FBLN1: variants seen among roughly 807,000 people sequenced by gnomAD.
The protein encoded by FBLN1 is fibulin-1.
In FBLN1, 34 loss-of-function variants were observed where a neutral mutation model predicts 89.7. The ratio of observed to expected loss-of-function variants is 0.38; its 90% CI spans 0.29 to 0.50. The LOEUF (loss-of-function observed/expected upper bound fraction) is 0.50. Among genes scored for constraint, FBLN1 ranks in the 20% least tolerant of loss-of-function variants. The pLI, the probability that FBLN1 is intolerant of heterozygous loss-of-function variation, is 0.92. For missense variants in FBLN1, 777 were observed against 988.1 expected (o/e 0.79, Z 2.86); for synonymous variants, 393 against 391.3 (o/e 1.00, Z -0.05).
At position 45,528,057 on chromosome 22, in the gene FBLN1, C is replaced by T. The variant is rs144033372; in HGVS notation, c.484+48C>T. 1.5e-4 allele frequency: 236 copies of T among 1,591,508 alleles called. 1 individual carries two copies. In the African/African-American group the frequency reaches 2.5e-3, roughly 17 times the overall value. ...TAATGAGCAGTGTATTAAGGTTCTC[C>T]GGGATGTGTATATAGAGCGAGAGTG... is the stretch of plus-strand genomic sequence containing the variant. On this transcript the variant is annotated intron_variant, in intron 4 of 16. Coordinates refer to ENST00000327858, the MANE Select transcript of FBLN1 (RefSeq NM_006486.3).
chr22:45,576,325 G>A lies in FBLN1; in HGVS notation c.1841-652G>A, dbSNP rs952543742. Reference sequence around the variant, plus strand: ...TGGTTATCGCAGGGAGCCGAGTGCCGTTGGGACACCTGTTAGCATCTTGGG... The same window carrying A: ...TGGTTATCGCAGGGAGCCGAGTGCCATTGGGACACCTGTTAGCATCTTGGG... On this transcript the variant is annotated intron_variant, in intron 15 of 16. Coordinates refer to ENST00000327858, the MANE Select transcript of FBLN1 (RefSeq NM_006486.3). This position sits in a 1 kb window ranked among gnomAD's most constrained non-coding sequence, Gnocchi z 5.2. 4.9e-4 allele frequency among the ~76,000 whole-genome samples: 75 copies of A among 152,250 alleles called. No homozygotes were observed. The highest frequency in any genetic ancestry group is 1.6e-3 in the African/African-American group (65 of 41,510).
intron 14 of FBLN1, among the ~76,000 whole-genome samples, chr22:45,559,275 G>A (rs1378685006): frequency 2.0e-5 from 3 of 152,170 alleles, no homozygotes; most frequent in Admixed American, 1.3e-4. Context: ...TTAAACTTAC[G>A]ATAATCCGCT....
At position 45,538,378 on chromosome 22, in the gene FBLN1, G is replaced by A. The variant is rs572295578; in HGVS notation, c.923-2851G>A. Among the ~76,000 whole-genome samples, 79 of 152,232 alleles carry A rather than the reference G, an allele frequency of 5.2e-4. 1 individual carries two copies. The South Asian group carries it at 0.016, about 30-fold the overall frequency. On this transcript the variant is annotated intron_variant, in intron 8 of 16. Transcript: ENST00000327858. ...CAAAACCTAAGTGTAGGAAGTAAAC[G>A]CTCCTCCCCTGGCCAATCCTGCCCG... is the stretch of plus-strand genomic sequence containing the variant.
intron 6 of FBLN1, 141 bp from the exon 7 acceptor site, chr22:45,533,620 A>C: frequency 2.2e-6 from 2 of 889,198 alleles, no homozygotes; most frequent in Middle Eastern, 2.4e-4. Flanking sequence ...CACAGCCCGG[A>C]TGTGCACATG....
chr22:45,505,485 G>A (rs577450585), intron 1 of FBLN1, among the ~76,000 whole-genome samples: 81 of 152,336 alleles, frequency 5.3e-4, no homozygotes, highest in Non-Finnish European at 9.6e-4. Context: ...CTCACGCCCC[G>A]CTCCTGGCCC....
Position 45,537,056 on chromosome 22 carries a change from C to T in FBLN1, c.922+1719C>T, listed in dbSNP as rs776544906. Among the ~76,000 whole-genome samples, 5 of 152,148 alleles carry T rather than the reference C, an allele frequency of 3.3e-5. No individual in the cohort carries two copies. Among genetic ancestry groups the T allele is most frequent in the Admixed American group, 6.5e-5 (1 of 15,272 alleles). ...TCTCCCTCGGCCTCTGCTTGGCAGACGCCCCTGGGTCCTGCCTTTGAGGTC... is the reference window on the plus strand; with the variant it reads ...TCTCCCTCGGCCTCTGCTTGGCAGATGCCCCTGGGTCCTGCCTTTGAGGTC... On this transcript the variant is annotated intron_variant, in intron 8 of 16. Coordinates refer to ENST00000327858, the MANE Select transcript of FBLN1 (RefSeq NM_006486.3). The surrounding 1 kb of genome is among the most constrained non-coding windows in gnomAD (Gnocchi z 5.7).
intron 1 of FBLN1, among the ~76,000 whole-genome samples, chr22:45,508,041 C>G (rs1007657585): frequency 2.0e-5 from 3 of 152,170 alleles, no homozygotes; most frequent in African/African-American, 4.8e-5. Context: ...CACGGGGACT[C>G]GAGCACCTTC....
chr22:45,517,210 C>G (rs555151772), intron 1 of FBLN1: 14 of 251,500 alleles, frequency 5.6e-5, no homozygotes, highest in South Asian at 2.5e-4. Context: ...GATTTACCCT[C>G]TAGGGGCTGG....
chr22:45,536,383 G>A lies in FBLN1; in HGVS notation c.922+1046G>A, dbSNP rs575016922. On this transcript the variant is annotated intron_variant, in intron 8 of 16. Transcript: ENST00000327858. This position sits in a 1 kb window ranked among gnomAD's most constrained non-coding sequence, Gnocchi z 5.1. ...GGCACGACAGTGTGAATGCAGTAAT[G>A]CCCCTGAACCGTCTACTTAAAATGG... Among the ~76,000 whole-genome samples the A allele has an allele frequency of 1.3e-5, 2 of 152,228 alleles. No homozygotes were observed. Among genetic ancestry groups the A allele is most frequent in the South Asian group, 2.1e-4 (1 of 4,812 alleles).
chr22:45,550,716 TC>T lies in FBLN1; in HGVS notation c.1697+104del. On this transcript the variant is annotated intron_variant, in intron 14 of 16. Transcript: ENST00000327858. This position sits in a 1 kb window ranked among gnomAD's most constrained non-coding sequence, Gnocchi z 8.4. ...TTATCAGGCTGTGACCTCGGTGTCC[TC>T]CCATGAGGGACTCAGGGCACTCAAA... The T allele has an allele frequency of 6.5e-7, 1 of 1,540,956 alleles. No individual in the cohort carries two copies. The highest frequency in any genetic ancestry group is 9.0e-7 in the Non-Finnish European group (1 of 1,116,908).
At chr22:45,551,353 C>G (rs1055589457) in intron 14 of FBLN1, among the ~76,000 whole-genome samples, 1 of 152,260 alleles carries the variant, frequency 6.6e-6, no homozygotes, top group Admixed American at 6.5e-5. Context: ...GTGCACGATG[C>G]AGGCAGCCAG....
In FBLN1 at chr22:45,590,009, A is replaced by G. The variant is rs563458770; in HGVS notation, c.1973-10298A>G. Among the ~76,000 whole-genome samples the G allele has an allele frequency of 3.4e-4, 51 of 152,224 alleles. No homozygotes were observed. The highest frequency in any genetic ancestry group is 3.4e-3 in the Middle Eastern group (1 of 294). On this transcript the variant is annotated intron_variant, in intron 16 of 16. Transcript: ENST00000327858. This position sits in a 1 kb window ranked among gnomAD's most constrained non-coding sequence, Gnocchi z 4.1. ...ACCTTTATCAGCCTCTGCTGCCCCAATCCCCTGTGCCTGCTCTCCCAGTGG... is the reference window on the plus strand; with the variant it reads ...ACCTTTATCAGCCTCTGCTGCCCCAGTCCCCTGTGCCTGCTCTCCCAGTGG...
chr22:45,594,427 T>C (rs1393913396), intron 16 of FBLN1, among the ~76,000 whole-genome samples: 5 of 152,130 alleles, frequency 3.3e-5, no homozygotes, highest in Admixed American at 6.5e-5. Flanking sequence ...GGCCTGAAAC[T>C]TCATATTTTT....
intron 14 of FBLN1, among the ~76,000 whole-genome samples, chr22:45,559,034 T>C (rs1602208831): frequency 6.6e-6 from 1 of 152,154 alleles, no homozygotes; most frequent in South Asian, 2.1e-4. Context: ...ATGAATAAGA[T>C]TATGACACAA....
In FBLN1 at chr22:45,578,153, A is replaced by C. The variant is rs1569263991; in HGVS notation, c.1972+1045A>C. 6.6e-6 allele frequency: 1 copy of C among 152,200 alleles called. No homozygotes were observed. Among genetic ancestry groups the C allele is most frequent in the Non-Finnish European group, 1.5e-5 (1 of 68,060 alleles). 9.4% of individuals were successfully genotyped at this position (152,200 alleles called of 1,614,324 possible). ...CAGAACCCACGAGCGTGCAGTGCGC[A>C]CAGAGCAGAGCGTTTTGGAGCCTGG... On this transcript the variant is annotated intron_variant, in intron 16 of 16. Coordinates refer to ENST00000327858, the MANE Select transcript of FBLN1 (RefSeq NM_006486.3). This position sits in a 1 kb window ranked among gnomAD's most constrained non-coding sequence, Gnocchi z 4.6.
chr22:45,535,419 CG>C, intron 8 of FBLN1, 82 bp downstream of exon 8: 2 of 1,550,066 alleles, frequency 1.3e-6, no homozygotes, highest in Non-Finnish European at 1.8e-6. Flanking sequence ...CTAGAATCTG[CG>C]GGGCCGCATG....
chr22:45,559,884 A>G (rs1442228080), intron 14 of FBLN1, among the ~76,000 whole-genome samples: 1 of 152,220 alleles, frequency 6.6e-6, no homozygotes, highest in Non-Finnish European at 1.5e-5. Flanking sequence ...TCCTTCCTCA[A>G]GAGGACCCGC....
chr22:45,523,872 G>A lies in FBLN1; in HGVS notation c.186-1671G>A, dbSNP rs113492319. ...ATTTTGGGAGGAACTGTGCTCCACG[G>A]CAGCTGCACCCTTTTCCATTCCCAC... is the stretch of plus-strand genomic sequence containing the variant. On this transcript the variant is annotated intron_variant, in intron 2 of 16. Transcript: ENST00000327858. 2.5e-3 allele frequency among the ~76,000 whole-genome samples: 384 copies of A among 152,268 alleles called. 2 individuals are homozygous for A. Among genetic ancestry groups the A allele is most frequent in the Middle Eastern group, 0.014 (4 of 294 alleles).
In FBLN1 at chr22:45,518,749, C is replaced by G. The variant is rs2088205622; in HGVS notation, c.147C>G (p.Asp49Glu). Residue 49 changes from aspartate (D) to glutamate (E), a missense_variant, in exon 2 of 17, where the codon GAC becomes GAG. By Grantham distance (45) the Asp-to-Glu change is conservative. Transcript: ENST00000327858. ...DGHRMATHQK[D>E]CSLPYATESK... ...ACCGGATGGCCACTCATCAGAAGGA[C>G]TGCTCGCTGCCATATGCTACGGAAT... The G allele has an allele frequency of 6.2e-7, 1 of 1,612,356 alleles. No homozygotes were observed. Among genetic ancestry groups the G allele is most frequent in the Admixed American group, 1.7e-5 (1 of 59,880 alleles).
Sources: gnomAD v4.1 joint callset for allele counts (sites outside exome capture counted in the v4.1 genomes callset) on GRCh38, gnomAD v4.1.1 for gene constraint, Gnocchi (gnomAD v3.1) non-coding constraint, MANE v1.5 for transcripts, NCBI Gene and HGNC (gene_info 2026-07-23, HGNC 2026-07-21) for gene names.